The following CTNNA3 variants were observed in gnomAD, a reference collection of about 807,000 sequenced individuals.
CTNNA3 encodes catenin alpha 3.
CTNNA3 carries 76 observed loss-of-function variants against 95.7 expected under a neutral mutation model. That is an observed-to-expected ratio of 0.79 (90% CI 0.66 to 0.96). The LOEUF (loss-of-function observed/expected upper bound fraction) is 0.96, where lower values mean the gene tolerates loss of function less well. CTNNA3 is among the 40% of genes least tolerant of loss of function. CTNNA3 has a pLI of 0.00. For missense variants in CTNNA3, 1,191 were observed against 1,089.8 expected (o/e 1.09, Z -1.31); for synonymous variants, 431 against 374.4 (o/e 1.15, Z -1.74).
chr10:66,219,227 G>A (rs1016995360), intron 13 of CTNNA3, among the ~76,000 whole-genome samples: 4 of 152,118 alleles, frequency 2.6e-5, no homozygotes, highest in African/African-American at 7.2e-5. Context: ...GGTATCGGGG[G>A]TGGGTGGCGA....
intron 7 of CTNNA3, among the ~76,000 whole-genome samples, chr10:67,030,633 T>C (rs918597584): frequency 4.6e-5 from 7 of 152,186 alleles, no homozygotes; most frequent in Non-Finnish European, 7.3e-5. Context: ...TGTAGATCAA[T>C]ATATTTGTTT....
chr10:66,896,052 G>A (rs1266034033), intron 7 of CTNNA3, among the ~76,000 whole-genome samples: 1 of 152,020 alleles, frequency 6.6e-6, no homozygotes, highest in African/African-American at 2.4e-5. Context: ...AGCCGAGATT[G>A]CGCCATTGCA....
At chr10:66,324,281 C>G (rs1485088523) in intron 12 of CTNNA3, among the ~76,000 whole-genome samples, 1 of 152,090 alleles carries the variant, frequency 6.6e-6, no homozygotes, top group East Asian at 1.9e-4. Flanking sequence ...GATCATGCTA[C>G]TGTACTCCAT....
chr10:67,342,142 C>T (rs1259721723), intron 5 of CTNNA3, among the ~76,000 whole-genome samples: 8 of 136,974 alleles, frequency 5.8e-5, no homozygotes, highest in African/African-American at 1.6e-4. Context: ...CACTCTGTCG[C>T]CCAGGCTGGA....
intron 7 of CTNNA3, among the ~76,000 whole-genome samples, chr10:67,172,784 G>A (rs1459511859): frequency 3.3e-5 from 5 of 152,060 alleles, no homozygotes; most frequent in African/African-American, 1.2e-4. Context: ...GACCAGCTTG[G>A]CCAATGTGAT....
intron 7 of CTNNA3, among the ~76,000 whole-genome samples, chr10:66,793,348 T>G (rs1011845538): frequency 1.8e-4 from 28 of 152,102 alleles, no homozygotes; most frequent in African/African-American, 6.3e-4. Flanking sequence ...TGTGCTATGT[T>G]GCCAGGCTGA....
intron 1 of CTNNA3, among the ~76,000 whole-genome samples, chr10:67,724,040 C>G (rs1300914056): frequency 4.6e-5 from 7 of 152,156 alleles, no homozygotes; most frequent in East Asian, 1.9e-4. Flanking sequence ...TCAAACAGTT[C>G]TGAGTAGCAT....
intron 7 of CTNNA3, among the ~76,000 whole-genome samples, chr10:66,781,123 AAAAATTTATCT>A (rs1383196355): frequency 6.6e-6 from 1 of 152,206 alleles, no homozygotes; most frequent in Middle Eastern, 3.2e-3. Flanking sequence ...TAAAGCAAAT[AAAAATTTATCT>A]AATTCATAGT....
intron 12 of CTNNA3, among the ~76,000 whole-genome samples, chr10:66,319,057 G>T (rs2092146641): frequency 6.6e-6 from 1 of 151,888 alleles, no homozygotes. Flanking sequence ...GTCAATTTTA[G>T]GTTTGAATAT....
At chr10:67,372,246 T>C (rs1024168854) in intron 5 of CTNNA3, among the ~76,000 whole-genome samples, 5 of 152,224 alleles carry the variant, frequency 3.3e-5, no homozygotes, top group African/African-American at 1.2e-4. Flanking sequence ...ATCCCATTTG[T>C]CAATTTTGGC....
rs768209913 is a variant in CTNNA3, at chr10:66,927,927, A to G, written c.1048-152403T>C. On this transcript the variant is annotated intron_variant, in intron 7 of 17. Transcript: ENST00000433211. The surrounding 1 kb of genome is among the most constrained non-coding windows in gnomAD (Gnocchi z 4.7). ...GTTTTAAAGGTCTAAGGGAGAATACAATTATCTGTGCCAGTCCCAAAGAGC... is the reference window on the plus strand; with the variant it reads ...GTTTTAAAGGTCTAAGGGAGAATACGATTATCTGTGCCAGTCCCAAAGAGC... The G allele has an allele frequency of 1.2e-6, 2 of 1,614,252 alleles. No individual in the cohort carries two copies. Among genetic ancestry groups the G allele is most frequent in the Non-Finnish European group, 1.7e-6 (2 of 1,180,052 alleles).
chr10:66,221,384 G>C (rs1218111871), intron 13 of CTNNA3, among the ~76,000 whole-genome samples: 1 of 152,182 alleles, frequency 6.6e-6, no homozygotes, highest in African/African-American at 2.4e-5. Flanking sequence ...GTGATATGTG[G>C]TCATGTTAGC....
chr10:66,566,262 G>A (rs1842701824), intron 10 of CTNNA3, among the ~76,000 whole-genome samples: 1 of 152,172 alleles, frequency 6.6e-6, no homozygotes, highest in South Asian at 2.1e-4. Flanking sequence ...AAAGACACGA[G>A]TTGCACATAT....
intron 5 of CTNNA3, among the ~76,000 whole-genome samples, chr10:67,478,692 G>A (rs753080751): frequency 6.6e-6 from 1 of 151,884 alleles, no homozygotes; most frequent in Admixed American, 6.6e-5. Context: ...TAAATAAATA[G>A]CTCACAGAAC....
intron 2 of CTNNA3, among the ~76,000 whole-genome samples, chr10:67,631,120 C>A (rs1839131100): frequency 6.6e-6 from 1 of 152,164 alleles, no homozygotes; most frequent in Non-Finnish European, 1.5e-5. Flanking sequence ...CAGATGCCTA[C>A]AGTTGCAGTC....
At position 67,741,922 on chromosome 10, in the gene CTNNA3, A is replaced by G. The variant is rs1252744770; in HGVS notation, c.-2+21512T>C. 2.0e-5 allele frequency among the ~76,000 whole-genome samples: 3 copies of G among 151,438 alleles called. 1 individual carries two copies. The highest frequency in any genetic ancestry group is 2.1e-4 in the South Asian group (1 of 4,708). On this transcript the variant is annotated intron_variant, in intron 1 of 17. Coordinates refer to the CTNNA3 transcript ENST00000684154. ...AAAAGACAAAGAAGGCCATTACATA[A>G]TGGTAAAGGGATCAATTCAACAAGA...
chr10:66,306,497 C>T (rs2091936069), intron 12 of CTNNA3, among the ~76,000 whole-genome samples: 1 of 152,062 alleles, frequency 6.6e-6, no homozygotes, highest in Middle Eastern at 3.2e-3. Flanking sequence ...ATGATGGTGC[C>T]AAAATTAGAA....
At chr10:66,685,174 T>TAC (rs1468400975) in intron 9 of CTNNA3, among the ~76,000 whole-genome samples, 8 of 135,322 alleles carry the variant, frequency 5.9e-5, no homozygotes, top group African/African-American at 8.2e-5. Context: ...TATATATATA[T>TAC]ACACATATAT....
At chr10:67,359,756 G>C (rs184584556) in intron 5 of CTNNA3, among the ~76,000 whole-genome samples, 1 of 152,156 alleles carries the variant, frequency 6.6e-6, no homozygotes, top group African/African-American at 2.4e-5. Flanking sequence ...AGAGAGGAGA[G>C]TAAGAAACTT....
Sources: gnomAD v4.1 joint callset for allele counts (sites outside exome capture counted in the v4.1 genomes callset) on GRCh38, gnomAD v4.1.1 for gene constraint, Gnocchi (gnomAD v3.1) non-coding constraint, MANE v1.5 for transcripts, NCBI Gene and HGNC (gene_info 2026-07-23, HGNC 2026-07-21) for gene names.